Variants in STARD13 observed in about 807,000 individuals in gnomAD.
STARD13 encodes stAR-related lipid transfer protein 13.
Under a neutral mutation model 106.4 loss-of-function variants are expected in STARD13, and 62 were observed. That is an observed-to-expected ratio of 0.58 (90% CI 0.48 to 0.72). STARD13 has a LOEUF of 0.72. Ranked by LOEUF, STARD13 falls within the 30% of genes least tolerant of loss-of-function variation. STARD13 has a pLI of 0.00. For missense variants in STARD13, 1,387 were observed against 1,424.0 expected (o/e 0.97, Z 0.42); for synonymous variants, 565 against 553.0 (o/e 1.02, Z -0.31).
chr13:33,299,634 T>C (rs1160084421), intron 1 of STARD13, among the ~76,000 whole-genome samples: 4 of 152,198 alleles, frequency 2.6e-5, no homozygotes, highest in Non-Finnish European at 4.4e-5. Context: ...TGAGAAGTTA[T>C]CCTGTGGTTT....
At chr13:33,588,026 C>T in the STARD13 span, among the ~76,000 whole-genome samples, 1 of 152,114 alleles carries the variant, frequency 6.6e-6, no homozygotes, top group Admixed American at 6.5e-5. Flanking sequence ...TATTATATTT[C>T]TATTGGACAG....
At chr13:33,448,470 T>G in the STARD13 span, among the ~76,000 whole-genome samples, 2 of 152,160 alleles carry the variant, frequency 1.3e-5, no homozygotes, top group African/African-American at 4.8e-5. Context: ...TATTCCATTG[T>G]GTATATATAC....
chr13:33,642,294 G>A, the STARD13 span, among the ~76,000 whole-genome samples: 1 of 152,340 alleles, frequency 6.6e-6, no homozygotes, highest in East Asian at 1.9e-4. Context: ...CTTAAGTGAG[G>A]GAGGTGTGAT....
At chr13:33,589,461 C>G in the STARD13 span, among the ~76,000 whole-genome samples, 1 of 152,204 alleles carries the variant, frequency 6.6e-6, no homozygotes, top group Admixed American at 6.5e-5. Flanking sequence ...CCTCTACACA[C>G]TGCTTTAAAT....
chr13:33,661,461 C>G, the STARD13 span: 1 of 152,202 alleles, frequency 6.6e-6, no homozygotes, highest in African/African-American at 2.4e-5. Flanking sequence ...AGGTACTCTA[C>G]TGGTGTATGA....
intron 1 of STARD13, among the ~76,000 whole-genome samples, chr13:33,323,080 C>T (rs1307285905): frequency 1.3e-5 from 2 of 152,102 alleles, no homozygotes; most frequent in East Asian, 3.9e-4. Context: ...GTAGCAACAA[C>T]CAGAGCCACC....
At chr13:33,335,721 T>C (rs2138574696) in intron 1 of STARD13, among the ~76,000 whole-genome samples, 1 of 152,362 alleles carries the variant, frequency 6.6e-6, no homozygotes, top group East Asian at 1.9e-4. Context: ...CCCAGCTACA[T>C]TCGCCAAGCC....
chr13:33,311,916 G>A (rs1224029495), intron 1 of STARD13, among the ~76,000 whole-genome samples: 1 of 152,210 alleles, frequency 6.6e-6, no homozygotes, highest in African/African-American at 2.4e-5. Context: ...TGTTAAAGCA[G>A]GGGGCAGAGA....
chr13:33,112,580 A>G lies in STARD13; in HGVS notation c.2492+141T>C, dbSNP rs1013470294. 19 of 693,256 alleles carry G rather than the reference A, an allele frequency of 2.7e-5. No individual in the cohort carries two copies. The East Asian group carries it at 4.1e-4, about 15-fold the overall frequency. 42.9% of individuals were successfully genotyped at this position (693,256 alleles called of 1,614,324 possible). On this transcript the variant is annotated intron_variant, in intron 9 of 13. Transcript: ENST00000336934. ...TCTATCATCTACCTATCGTTGATCT[A>G]TCTACCTACCTATCTATCTATAATC...
chr13:33,511,992 T>A, the STARD13 span, among the ~76,000 whole-genome samples: 1 of 152,208 alleles, frequency 6.6e-6, no homozygotes, highest in Non-Finnish European at 1.5e-5. Context: ...CTTGTTTAAT[T>A]GTAAATCCAT....
At chr13:33,509,100 C>T in the STARD13 span, among the ~76,000 whole-genome samples, 91 of 152,300 alleles carry the variant, frequency 6.0e-4, 1 homozygote, top group African/African-American at 2.1e-3. Flanking sequence ...CATCATTATG[C>T]AATGCATGAC....
the STARD13 span, among the ~76,000 whole-genome samples, chr13:33,637,435 G>A: frequency 1.3e-3 from 192 of 152,292 alleles, 1 homozygote; most frequent in African/African-American, 4.5e-3. Flanking sequence ...GGGTAAATGA[G>A]AACAAAACTT....
Position 33,105,649 on chromosome 13 carries a change from T to C in STARD13, c.3286A>G (p.Arg1096Gly). Residue 1096 changes from arginine (R) to glycine (G), a missense_variant, in exon 14 of 14, where the codon AGG becomes GGG. By Grantham distance (125) the Arg-to-Gly change is moderately radical. Transcript: ENST00000336934. ...AGGGGCTGGAAAGAGTTTCTAATCC[T>C]GGCAACTTCTGCTGCACACAGATGT... ...FGHLCAAEVA[R>G]IRNSFQPLIA... 1 of 1,614,176 alleles carries C rather than the reference T, an allele frequency of 6.2e-7. No individual in the cohort carries two copies. Among genetic ancestry groups the C allele is most frequent in the Non-Finnish European group, 8.5e-7 (1 of 1,179,982 alleles).
the STARD13 span, among the ~76,000 whole-genome samples, chr13:33,380,710 C>T: frequency 1.3e-5 from 2 of 152,080 alleles, no homozygotes; most frequent in Admixed American, 6.5e-5. Flanking sequence ...GCTATTTGAA[C>T]TAGACCTTGA....
At chr13:33,229,530 G>A (rs1888799772) in intron 1 of STARD13, among the ~76,000 whole-genome samples, 1 of 152,152 alleles carries the variant, frequency 6.6e-6, no homozygotes, top group Admixed American at 6.5e-5. Context: ...TGGTCTGCTT[G>A]AACAAACACA....
chr13:33,527,170 T>G, the STARD13 span, among the ~76,000 whole-genome samples: 3 of 152,116 alleles, frequency 2.0e-5, no homozygotes, highest in African/African-American at 7.2e-5. Flanking sequence ...GAACAAGAGT[T>G]TTCCATCAAA....
chr13:33,507,629 C>A, the STARD13 span, among the ~76,000 whole-genome samples: 1 of 152,240 alleles, frequency 6.6e-6, no homozygotes. Flanking sequence ...TGACCCCCAA[C>A]ACTGTCAAAA....
the STARD13 span, among the ~76,000 whole-genome samples, chr13:33,582,064 CA>C: frequency 3.3e-5 from 5 of 151,556 alleles, no homozygotes; most frequent in Non-Finnish European, 7.4e-5. Context: ...ACTAAAAATA[CA>C]AAAAAAATTA....
At chr13:33,626,757 T>G in the STARD13 span, among the ~76,000 whole-genome samples, 1 of 152,162 alleles carries the variant, frequency 6.6e-6, no homozygotes, top group African/African-American at 2.4e-5. Flanking sequence ...GTCATTACTG[T>G]AAGAAAGAGT....
Sources: gnomAD v4.1 joint callset for allele counts (sites outside exome capture counted in the v4.1 genomes callset) on GRCh38, gnomAD v4.1.1 for gene constraint, MANE v1.5 for transcripts, NCBI Gene and HGNC (gene_info 2026-07-23, HGNC 2026-07-21) for gene names.